The following ARHGAP17 variants were observed in gnomAD, a reference collection of about 807,000 sequenced individuals.
ARHGAP17 encodes Rho GTPase activating protein 17.
ARHGAP17 carries 57 observed loss-of-function variants against 99.5 expected under a neutral mutation model. The observed-to-expected ratio is 0.57, with a 90% confidence interval of 0.46 to 0.71. The LOEUF (loss-of-function observed/expected upper bound fraction) is 0.71, where lower values mean the gene tolerates loss of function less well. Ranked by LOEUF, ARHGAP17 falls within the 30% of genes least tolerant of loss-of-function variation. The pLI, the probability that ARHGAP17 is intolerant of heterozygous loss-of-function variation, is 0.00. For missense variants in ARHGAP17, 1,000 were observed against 1,122.4 expected, an observed-to-expected ratio of 0.89 and a Z score of 1.56; for synonymous variants, 417 against 429.6, an observed-to-expected ratio of 0.97 and a Z score of 0.36.
chr16:24,924,351 C>G lies in ARHGAP17; in HGVS notation c.2516-4091G>C, dbSNP rs114246823. 2.4e-3 allele frequency among the ~76,000 whole-genome samples: 361 copies of G among 151,464 alleles called. 2 individuals are homozygous for G. The highest frequency in any genetic ancestry group is 8.3e-3 in the African/African-American group (344 of 41,232). Reference sequence around the variant, plus strand: ...TGGTCTTTGAGCATACTGCTTGGAGCTAAGTTTATATGACAAGTATTATAT... The same window carrying G: ...TGGTCTTTGAGCATACTGCTTGGAGGTAAGTTTATATGACAAGTATTATAT... On this transcript the variant is annotated intron_variant, in intron 19 of 19. Coordinates refer to ENST00000289968, the MANE Select transcript of ARHGAP17 (RefSeq NM_001006634.3).
chr16:24,945,778 G>T (rs2051454193), intron 14 of ARHGAP17, among the ~76,000 whole-genome samples: 1 of 152,198 alleles, frequency 6.6e-6, no homozygotes, highest in Admixed American at 6.5e-5. Context: ...GGGAGGAACT[G>T]TCCTCTCCAT....
chr16:24,939,264 G>T, intron 17 of ARHGAP17, 100 bp downstream of exon 17: 1 of 1,090,588 alleles, frequency 9.2e-7, no homozygotes, highest in Non-Finnish European at 1.3e-6. Flanking sequence ...ACTCCATGCT[G>T]GAGCAGTTCT....
intron 19 of ARHGAP17, among the ~76,000 whole-genome samples, chr16:24,923,056 C>A (rs2050756126): frequency 6.6e-6 from 1 of 152,182 alleles, no homozygotes; most frequent in Non-Finnish European, 1.5e-5. Flanking sequence ...CATCGTCTCA[C>A]TGAACCCCCA....
intron 1 of ARHGAP17, among the ~76,000 whole-genome samples, chr16:25,006,377 G>A (rs1434248268): frequency 6.6e-6 from 1 of 150,694 alleles, no homozygotes; most frequent in Non-Finnish European, 1.5e-5. Context: ...TTGAACCCGG[G>A]AGACAGAGGT....
At chr16:24,927,673 C>A in intron 19 of ARHGAP17, 1 of 1,190,154 alleles carries the variant, frequency 8.4e-7, no homozygotes, top group Non-Finnish European at 1.1e-6. Context: ...AATCAGGTGC[C>A]TTTTCCTTAC....
chr16:25,013,078 A>C (rs1391522651), intron 1 of ARHGAP17, among the ~76,000 whole-genome samples: 1 of 152,232 alleles, frequency 6.6e-6, no homozygotes, highest in Non-Finnish European at 1.5e-5. Context: ...AGAGGCAGTC[A>C]CAGCACAGAA....
At chr16:24,984,463 G>A (rs955706780) in intron 1 of ARHGAP17, among the ~76,000 whole-genome samples, 7 of 152,010 alleles carry the variant, frequency 4.6e-5, no homozygotes, top group South Asian at 2.1e-4. Context: ...TCAGGAGATC[G>A]AGACCACGGT....
chr16:24,952,691 A>G (rs544745658), intron 11 of ARHGAP17, among the ~76,000 whole-genome samples: 25 of 152,368 alleles, frequency 1.6e-4, no homozygotes, highest in Admixed American at 3.9e-4. Context: ...TATGTCTCCA[A>G]ATATTTGCAT....
rs1461669851 is a variant in ARHGAP17, at chr16:24,919,437, T to C, written c.*693A>G. 2 of 151,578 alleles carry C rather than the reference T, an allele frequency of 1.3e-5. No individual in the cohort carries two copies. Among genetic ancestry groups the C allele is most frequent in the African/African-American group, 4.9e-5 (2 of 40,994 alleles). 9.4% of individuals were successfully genotyped at this position (151,578 alleles called of 1,614,324 possible). On this transcript the variant is annotated 3_prime_UTR_variant, in exon 20 of 20. Coordinates refer to ENST00000289968, the MANE Select transcript of ARHGAP17 (RefSeq NM_001006634.3). Reference sequence around the variant, plus strand: ...ATTTAATTCAAATTAAACATGAAACTAGAATAATGTTCGGTCCTTATCAAG... The same window carrying C: ...ATTTAATTCAAATTAAACATGAAACCAGAATAATGTTCGGTCCTTATCAAG...
chr16:24,993,361 G>A (rs1173584578), intron 1 of ARHGAP17, among the ~76,000 whole-genome samples: 3 of 151,940 alleles, frequency 2.0e-5, no homozygotes, highest in East Asian at 1.9e-4. Flanking sequence ...CGAGGTGGGC[G>A]GATCACCTAA....
chr16:24,974,355 G>A (rs946689138), intron 3 of ARHGAP17, among the ~76,000 whole-genome samples: 4 of 152,224 alleles, frequency 2.6e-5, no homozygotes, highest in East Asian at 1.9e-4. Context: ...CGTTTGAACC[G>A]GGTGGTGGAG....
At chr16:24,930,751 A>G (rs913770380) in intron 19 of ARHGAP17, 33 bp downstream of exon 19, 1 of 1,614,142 alleles carries the variant, frequency 6.2e-7, no homozygotes, top group African/African-American at 1.3e-5. Context: ...TGTAGAGCAG[A>G]CGAGGAAATA....
intron 14 of ARHGAP17, among the ~76,000 whole-genome samples, chr16:24,945,456 C>T (rs146116272): frequency 6.6e-6 from 1 of 152,180 alleles, no homozygotes; most frequent in African/African-American, 2.4e-5. Flanking sequence ...AGGCCTGACA[C>T]TTTCTGGCCA....
intron 8 of ARHGAP17, 77 bp from the exon 9 acceptor site, chr16:24,959,829 T>C (rs1555463649): frequency 2.5e-6 from 4 of 1,603,244 alleles, no homozygotes; most frequent in Non-Finnish European, 2.6e-6. Flanking sequence ...TGAGCAAAAC[T>C]AAAAATGAAA....
chr16:24,972,207 G>C (rs1334737619), intron 3 of ARHGAP17, among the ~76,000 whole-genome samples: 1 of 152,214 alleles, frequency 6.6e-6, no homozygotes, highest in Non-Finnish European at 1.5e-5. Context: ...ACTAAGAGCA[G>C]GGGCTCTGGA....
At position 24,970,529 on chromosome 16, in the gene ARHGAP17, G is replaced by A; in HGVS notation, c.250C>T (p.Gln84Ter). The change falls in exon 4 of 20, where the codon CAG becomes TAG. Residue 84 changes from glutamine to a stop codon, truncating the protein, a stop_gained. Coordinates refer to ENST00000289968, the MANE Select transcript of ARHGAP17 (RefSeq NM_001006634.3). LOFTEE classifies it high-confidence loss of function. ...TACCCCAGGAGAGAGTCTTCCAGCT[G>A]AGTCGATGCTTCTTGCATATTTTGA... is the stretch of plus-strand genomic sequence containing the variant. ...LAQNMQEASTQLEDSLLGKML... is the reference protein window; with the variant it reads ...LAQNMQEAST 6.2e-7 allele frequency: 1 copy of A among 1,614,184 alleles called. No homozygotes were observed. The highest frequency in any genetic ancestry group is 8.5e-7 in the Non-Finnish European group (1 of 1,180,012).
chr16:24,996,337 A>C (rs1283579789), intron 1 of ARHGAP17, among the ~76,000 whole-genome samples: 1 of 152,186 alleles, frequency 6.6e-6, no homozygotes, highest in African/African-American at 2.4e-5. Context: ...CAACTGATCA[A>C]ATGGCAGGAG....
intron 3 of ARHGAP17, among the ~76,000 whole-genome samples, chr16:24,970,792 T>C (rs2052339698): frequency 6.6e-6 from 1 of 152,210 alleles, no homozygotes; most frequent in African/African-American, 2.4e-5. Context: ...AGAAAACATA[T>C]CAAGTACCTA....
chr16:24,983,652 G>A (rs951286064), intron 1 of ARHGAP17, among the ~76,000 whole-genome samples: 1 of 152,074 alleles, frequency 6.6e-6, no homozygotes, highest in Non-Finnish European at 1.5e-5. Flanking sequence ...TTGTATATGG[G>A]TTTTTTCTGC....
Sources: allele counts gnomAD v4.1 joint callset (sites outside exome capture counted in the v4.1 genomes callset), GRCh38; gene constraint gnomAD v4.1.1; transcripts MANE v1.5; gene names NCBI Gene and HGNC (gene_info 2026-07-23, HGNC 2026-07-21).